ZNF490: variants seen among roughly 807,000 people sequenced by gnomAD.
The protein encoded by ZNF490 is zinc finger protein 490.
ZNF490 carries 11 observed loss-of-function variants against 17.7 expected under a neutral mutation model. That is an observed-to-expected ratio of 0.62 (90% CI 0.39 to 1.03). ZNF490 has a LOEUF of 1.03. Ranked by LOEUF, ZNF490 falls within the 50% of genes least tolerant of loss-of-function variation. The probability of loss-of-function intolerance (pLI) is 0.00; values close to 1 mark genes in which losing one functional copy is unlikely to be tolerated. For missense variants in ZNF490, 542 were observed against 643.4 expected (o/e 0.84, Z 1.71); for synonymous variants, 222 against 216.1 (o/e 1.03, Z -0.24).
chr19:12,584,521 T>G lies in ZNF490; in HGVS notation c.163-965A>C, dbSNP rs1246665585. ...ATATATGAGAGAAATGCTGTACAAA[T>G]GAAACAAATTGTAAGATCATCAATT... On this transcript the variant is annotated intron_variant, in intron 2 of 4. Coordinates refer to ENST00000311437, the MANE Select transcript of ZNF490 (RefSeq NM_020714.3). Among the ~76,000 whole-genome samples, 14 of 94,370 alleles carry G rather than the reference T, an allele frequency of 1.5e-4. 5 individuals are homozygous for G. Among genetic ancestry groups the G allele is most frequent in the Non-Finnish European group, 4.0e-4 (14 of 35,058 alleles). The allele number at this position is 94,370 out of a possible 152,430, so 61.9% of individuals were successfully genotyped here.
At chr19:12,582,758 TCTG>T in intron 4 of ZNF490, 89 bp downstream of exon 4, 2 of 1,116,672 alleles carry the variant, frequency 1.8e-6, no homozygotes, top group Non-Finnish European at 2.7e-6. Flanking sequence ...AACCTGAAAC[TCTG>T]CTTATTGTTT....
intron 2 of ZNF490, among the ~76,000 whole-genome samples, chr19:12,591,794 T>C (rs948850609): frequency 6.7e-5 from 10 of 148,210 alleles, no homozygotes; most frequent in African/African-American, 2.0e-4. Context: ...CTGCTGGCAA[T>C]GGAAAATGAT....
In ZNF490 at chr19:12,578,494, TA is replaced by T; in HGVS notation, c.*1990del. On this transcript the variant is annotated 3_prime_UTR_variant, in exon 5 of 5. Transcript: ENST00000311437. The stretch of plus-strand genomic sequence containing the variant: ...ACAGAGAAATTCAGATGTGAATGTT[TA>T]AACAAGTGTCCAAAGTGTAGGTTTG... 1 of 985,404 alleles carries T rather than the reference TA, an allele frequency of 1.0e-6. No homozygotes were observed. Among genetic ancestry groups the T allele is most frequent in the Non-Finnish European group, 1.2e-6 (1 of 829,928 alleles). The allele number at this position is 985,404 out of a possible 1,614,324, so 61.0% of individuals were successfully genotyped here. A position where few individuals can be genotyped will look rare whatever the true frequency, so the allele number is the denominator to read the frequency against.
rs2022809542 is a variant in ZNF490 at position 12,586,681 on chromosome 19, ATTTCT to A, written c.163-3130_163-3126del. Among the ~76,000 whole-genome samples the A allele has an allele frequency of 2.1e-5, 2 of 93,442 alleles. 1 individual carries two copies. Among genetic ancestry groups the A allele is most frequent in the African/African-American group, 6.4e-5 (2 of 31,320 alleles). The allele number at this position is 93,442 out of a possible 152,430, so 61.3% of individuals were successfully genotyped here. On this transcript the variant is annotated intron_variant, in intron 2 of 4. Transcript: ENST00000311437. Reference sequence around the variant, plus strand: ...GCTGGAATTATCAGACCAGAAATTTATTTCTTTTCTTTTTTTTTTGAGACAGAGTC... The same window carrying A: ...GCTGGAATTATCAGACCAGAAATTTATTTCTTTTTTTTTTGAGACAGAGTC...
intron 2 of ZNF490, among the ~76,000 whole-genome samples, chr19:12,601,144 T>C (rs929342401): frequency 2.6e-5 from 4 of 151,138 alleles, no homozygotes; most frequent in African/African-American, 7.3e-5. Flanking sequence ...ATCCCAGCAC[T>C]TTCGGAGGCC....
At position 12,610,360 on chromosome 19, in the gene ZNF490, C is replaced by T. The variant is rs182054350; in HGVS notation, c.117+204G>A. Reference sequence around the variant, plus strand: ...TAGCTGGGACTACGGGTGTGCGCCACCAAGCCCTGCCTTGGGGTTCCTTTT... The same window carrying T: ...TAGCTGGGACTACGGGTGTGCGCCATCAAGCCCTGCCTTGGGGTTCCTTTT... On this transcript the variant is annotated intron_variant, in intron 1 of 4. Coordinates refer to ENST00000311437, the MANE Select transcript of ZNF490 (RefSeq NM_020714.3). Among the ~76,000 whole-genome samples the T allele has an allele frequency of 4.0e-3, 606 of 150,536 alleles. 20 individuals are homozygous for T. Among genetic ancestry groups the T allele is most frequent in the Admixed American group, 0.029 (435 of 15,040 alleles).
Position 12,591,396 on chromosome 19 carries a change from C to G in ZNF490, c.163-7840G>C, listed in dbSNP as rs4602147. Among the ~76,000 whole-genome samples the G allele has an allele frequency of 8.7e-3, 1,259 of 145,246 alleles. 13 individuals carry two copies. Among genetic ancestry groups the G allele is most frequent in the Non-Finnish European group, 0.013 (891 of 66,078 alleles). ...CAGAGACTCCATCCCCGCCGCCCCC[C>G]CAAAAAAGAGTCCTGCTCTGGGAAA... On this transcript the variant is annotated intron_variant, in intron 2 of 4. Coordinates refer to ENST00000311437, the MANE Select transcript of ZNF490 (RefSeq NM_020714.3).
intron 2 of ZNF490, among the ~76,000 whole-genome samples, chr19:12,605,027 C>T (rs182858740): frequency 1.3e-5 from 2 of 151,910 alleles, no homozygotes; most frequent in Non-Finnish European, 2.9e-5. Context: ...GTGGAGGATG[C>T]CTGTCATTCC....
Position 12,579,002 on chromosome 19 carries a change from C to T in ZNF490, c.*1483G>A, listed in dbSNP as rs895739008. The T allele has an allele frequency of 1.5e-5, 15 of 974,866 alleles. No homozygotes were observed. Among genetic ancestry groups the T allele is most frequent in the Non-Finnish European group, 1.8e-5 (15 of 820,436 alleles). The allele number at this position is 974,866 out of a possible 1,614,324, so 60.4% of individuals were successfully genotyped here. A position where few individuals can be genotyped will look rare whatever the true frequency, so the allele number is the denominator to read the frequency against. Reference sequence around the variant, plus strand: ...GGCGCGGTGGCTCACGCCTATAATCCCAGCACTTTGGGAGGCCGAGGAGGG... The same window carrying T: ...GGCGCGGTGGCTCACGCCTATAATCTCAGCACTTTGGGAGGCCGAGGAGGG... On this transcript the variant is annotated 3_prime_UTR_variant, in exon 5 of 5. Coordinates refer to ENST00000311437, the MANE Select transcript of ZNF490 (RefSeq NM_020714.3).
intron 4 of ZNF490, 93 bp from the exon 5 acceptor site, chr19:12,581,817 CAG>C: frequency 8.3e-7 from 1 of 1,203,548 alleles, no homozygotes; most frequent in Non-Finnish European, 1.1e-6. Flanking sequence ...AATATTTTCA[CAG>C]AAACTGTATG....
In ZNF490 at chr19:12,610,764, G is replaced by A; in HGVS notation, c.-84C>T. ...GAACAATTTCTGCTTCAACACAATT[G>A]TCCACGGAGGGCACCAGTTCCGTCC... On this transcript the variant is annotated 5_prime_UTR_variant, in exon 1 of 5. Transcript: ENST00000311437. 7.3e-7 allele frequency: 1 copy of A among 1,364,562 alleles called. No individual in the cohort carries two copies. The allele number at this position is 1,364,562 out of a possible 1,614,324, so 84.5% of individuals were successfully genotyped here.
At chr19:12,593,219 TAA>T (rs1158000447) in intron 2 of ZNF490, among the ~76,000 whole-genome samples, 1 of 151,052 alleles carries the variant, frequency 6.6e-6, no homozygotes, top group Non-Finnish European at 1.5e-5. Context: ...AGCCGTGAGG[TAA>T]AAAAAGATTC....
rs373474646 is a variant in ZNF490, at chr19:12,582,944, T to C, written c.290-34A>G. 4.2e-5 allele frequency: 65 copies of C among 1,532,904 alleles called. No individual in the cohort carries two copies. In the Middle Eastern group the frequency reaches 7.1e-4, roughly 17 times the overall value. 95.0% of individuals were successfully genotyped at this position (1,532,904 alleles called of 1,614,324 possible). A position where few individuals can be genotyped will look rare whatever the true frequency, so the allele number is the denominator to read the frequency against. On this transcript the variant is annotated intron_variant, in intron 3 of 4. Coordinates refer to ENST00000311437, the MANE Select transcript of ZNF490 (RefSeq NM_020714.3). ...CAAGCCCAGAGAACTCACAATAAAT[T>C]ATTAGAAATTATAGAAAATTATAAC... is the stretch of plus-strand genomic sequence containing the variant.
In ZNF490 at chr19:12,585,020, G is replaced by A. The variant is rs1252980787; in HGVS notation, c.163-1464C>T. The stretch of plus-strand genomic sequence containing the variant: ...TGCTTGAGCTCTCAGGCAAAGCTGT[G>A]TAACTCTCAAGCACTTGTGAAGTGG... On this transcript the variant is annotated intron_variant, in intron 2 of 4. Coordinates refer to ENST00000311437, the MANE Select transcript of ZNF490 (RefSeq NM_020714.3). 2.1e-5 allele frequency among the ~76,000 whole-genome samples: 2 copies of A among 93,790 alleles called. 1 individual carries two copies. Among genetic ancestry groups the A allele is most frequent in the Non-Finnish European group, 5.7e-5 (2 of 34,970 alleles). 61.5% of individuals were successfully genotyped at this position (93,790 alleles called of 152,430 possible).
Position 12,609,219 on chromosome 19 carries a change from G to A in ZNF490, c.118-17C>T, listed in dbSNP as rs760269692. 6.2e-7 allele frequency: 1 copy of A among 1,613,062 alleles called. No homozygotes were observed. Among genetic ancestry groups the A allele is most frequent in the South Asian group, 1.1e-5 (1 of 91,046 alleles). On this transcript the variant is annotated splice_polypyrimidine_tract_variant and intron_variant, in intron 1 of 4. Coordinates refer to ENST00000311437, the MANE Select transcript of ZNF490 (RefSeq NM_020714.3). ...GTTCTGCATCTAATTAGAAACAAGAGGATGCATTTTGTGAGTTTCAGCAAT... is the reference window on the plus strand; with the variant it reads ...GTTCTGCATCTAATTAGAAACAAGAAGATGCATTTTGTGAGTTTCAGCAAT...
At chr19:12,583,909 C>G (rs1266778556) in intron 2 of ZNF490, among the ~76,000 whole-genome samples, 1 of 149,598 alleles carries the variant, frequency 6.7e-6, no homozygotes, top group East Asian at 2.0e-4. Flanking sequence ...CTCCTGGGTT[C>G]ACACCATTCT....
At chr19:12,591,274 A>G (rs2022867125) in intron 2 of ZNF490, among the ~76,000 whole-genome samples, 1 of 152,014 alleles carries the variant, frequency 6.6e-6, no homozygotes, top group Admixed American at 6.6e-5. Context: ...CTGTAGTCCC[A>G]GCTACTTGGC....
intron 2 of ZNF490, among the ~76,000 whole-genome samples, chr19:12,602,750 G>C (rs942245648): frequency 3.3e-5 from 5 of 150,834 alleles, no homozygotes; most frequent in Non-Finnish European, 7.4e-5. Context: ...TCAGCCTCCC[G>C]AGAAGCTGGG....
chr19:12,583,754 G>GCTCTCT (rs772203523), intron 2 of ZNF490, among the ~76,000 whole-genome samples, 198 bp from the exon 3 acceptor site: 47 of 70,554 alleles, frequency 6.7e-4, no homozygotes, highest in African/African-American at 2.3e-3. Context: ...AAAAATTATT[G>GCTCTCT]CGCTCTCTCT....
Sources: allele counts gnomAD v4.1 joint callset (sites outside exome capture counted in the v4.1 genomes callset), GRCh38; gene constraint gnomAD v4.1.1; transcripts MANE v1.5; gene names NCBI Gene and HGNC (gene_info 2026-07-23, HGNC 2026-07-21).